Variants in PTPN9 observed in about 807,000 individuals in gnomAD.
The protein encoded by PTPN9 is tyrosine-protein phosphatase non-receptor type 9.
PTPN9 carries 26 observed loss-of-function variants against 69.8 expected under a neutral mutation model. That is an observed-to-expected ratio of 0.37 (90% CI 0.27 to 0.52). The LOEUF is 0.52. PTPN9 is among the 20% of genes least tolerant of loss of function. The probability of loss-of-function intolerance (pLI) is 0.91; values close to 1 mark genes in which losing one functional copy is unlikely to be tolerated. For missense variants in PTPN9, 549 were observed against 740.3 expected (o/e 0.74, Z 3.00); for synonymous variants, 274 against 272.5 (o/e 1.01, Z -0.05).
chr15:75,547,579 A>C (rs2075039064), intron 1 of PTPN9, among the ~76,000 whole-genome samples: 1 of 152,178 alleles, frequency 6.6e-6, no homozygotes, highest in South Asian at 2.1e-4. Context: ...ATAACTGGCT[A>C]TCCTTGAAGG....
In PTPN9 at chr15:75,484,398, G is replaced by A. The variant is rs868220035; in HGVS notation, c.1063-4484C>T. On this transcript the variant is annotated intron_variant, in intron 8 of 12. Coordinates refer to ENST00000618819, the MANE Select transcript of PTPN9 (RefSeq NM_002833.4). Reference sequence around the variant, plus strand: ...CTCATACTTAGGACCATCAACAGACGAGCCAAACACCTGGACTCCATTATT... The same window carrying A: ...CTCATACTTAGGACCATCAACAGACAAGCCAAACACCTGGACTCCATTATT... Among the ~76,000 whole-genome samples, 4 of 152,102 alleles carry A rather than the reference G, an allele frequency of 2.6e-5. No individual in the cohort carries two copies. In the South Asian group the frequency reaches 6.2e-4, roughly 24 times the overall value.
chr15:75,474,055 C>T (rs2074583265), intron 9 of PTPN9, among the ~76,000 whole-genome samples: 1 of 152,180 alleles, frequency 6.6e-6, no homozygotes, highest in Non-Finnish European at 1.5e-5. Context: ...ATCATCAGAA[C>T]TTCAGCCATC....
chr15:75,564,003 G>A (rs1379768045), intron 1 of PTPN9, among the ~76,000 whole-genome samples: 3 of 151,468 alleles, frequency 2.0e-5, no homozygotes, highest in Non-Finnish European at 2.9e-5. Context: ...GACACTTCAG[G>A]GCAACACTCA....
At chr15:75,481,005 C>A (rs2074629629) in intron 8 of PTPN9, among the ~76,000 whole-genome samples, 1 of 85,058 alleles carries the variant, frequency 1.2e-5, no homozygotes. Flanking sequence ...CGCCCGGCCG[C>A]CATCCCATCT....
chr15:75,556,078 T>G (rs1473840751), intron 1 of PTPN9, among the ~76,000 whole-genome samples: 7 of 145,290 alleles, frequency 4.8e-5, no homozygotes. Context: ...GGCACTACTC[T>G]AGATCAACAA....
intron 1 of PTPN9, among the ~76,000 whole-genome samples, chr15:75,539,851 A>G (rs966698444): frequency 6.6e-6 from 1 of 151,418 alleles, no homozygotes; most frequent in African/African-American, 2.4e-5. Flanking sequence ...TTGTATTTTT[A>G]GTGGAGACGG....
chr15:75,470,712 T>C lies in PTPN9; in HGVS notation c.1327A>G (p.Lys443Glu). ...NLGVENMNHY[K>E]KTTLEIHNTE... ...TTGTGAATTTCTAGCGTTGTTTTCT[T>C]ATAATGATTCATGTTCTCCACGCCT... Residue 443 changes from lysine to glutamate, a missense_variant, in exon 11 of 13, where the codon AAG becomes GAG. Transcript: ENST00000618819. 6.2e-7 allele frequency: 1 copy of C among 1,614,248 alleles called. No homozygotes were observed.
chr15:75,533,752 A>C (rs2141326312), intron 1 of PTPN9, among the ~76,000 whole-genome samples: 1 of 152,340 alleles, frequency 6.6e-6, no homozygotes, highest in African/African-American at 2.4e-5. Flanking sequence ...ACAATTCATT[A>C]GTGTTGAAAT....
At chr15:75,474,527 A>G (rs549795028) in intron 9 of PTPN9, among the ~76,000 whole-genome samples, 15 of 152,260 alleles carry the variant, frequency 9.9e-5, no homozygotes, top group Non-Finnish European at 1.9e-4. Flanking sequence ...TCAAAAAAAA[A>G]AAAAATTAGC....
chr15:75,537,489 C>T (rs1486793042), intron 1 of PTPN9, among the ~76,000 whole-genome samples: 1 of 127,106 alleles, frequency 7.9e-6, no homozygotes, highest in African/African-American at 3.0e-5. Context: ...CTCGGTGGCT[C>T]ACGCCTGTAA....
At chr15:75,534,713 C>T (rs2074975901) in intron 1 of PTPN9, among the ~76,000 whole-genome samples, 2 of 150,802 alleles carry the variant, frequency 1.3e-5, no homozygotes, top group South Asian at 4.2e-4. Flanking sequence ...TGGTTCACGC[C>T]TATAATCCCA....
intron 1 of PTPN9, among the ~76,000 whole-genome samples, chr15:75,541,286 C>T (rs1345728349): frequency 2.0e-5 from 3 of 150,780 alleles, no homozygotes; most frequent in Non-Finnish European, 3.0e-5. Context: ...AGGGTCTCAC[C>T]AGCCGAGACT....
intron 1 of PTPN9, among the ~76,000 whole-genome samples, chr15:75,562,254 AT>A (rs2075107107): frequency 6.6e-6 from 1 of 152,232 alleles, no homozygotes; most frequent in Admixed American, 6.5e-5. Flanking sequence ...ATTAAATCAT[AT>A]AATTTCTGTC....
intron 8 of PTPN9, among the ~76,000 whole-genome samples, chr15:75,482,941 C>A (rs1016810716): frequency 6.6e-6 from 1 of 151,074 alleles, no homozygotes; most frequent in South Asian, 2.1e-4. Flanking sequence ...AGCGACAGAG[C>A]GAGACTCTGT....
At chr15:75,546,536 A>G (rs1268083642) in intron 1 of PTPN9, among the ~76,000 whole-genome samples, 1 of 151,790 alleles carries the variant, frequency 6.6e-6, no homozygotes, top group Non-Finnish European at 1.5e-5. Flanking sequence ...CCAGCTACTC[A>G]GGAGGCTGAG....
At chr15:75,574,287 C>CAA (rs1374351542) in intron 1 of PTPN9, among the ~76,000 whole-genome samples, 19 of 58,472 alleles carry the variant, frequency 3.2e-4, no homozygotes, top group African/African-American at 6.4e-4. Context: ...CCTGTCTCCA[C>CAA]AAAAAAAAAA....
At position 75,482,063 on chromosome 15, in the gene PTPN9, C is replaced by G. The variant is rs1297513608; in HGVS notation, c.1063-2149G>C. On this transcript the variant is annotated intron_variant, in intron 8 of 12. Coordinates refer to ENST00000618819, the MANE Select transcript of PTPN9 (RefSeq NM_002833.4). ...TTGAGAAATCGGATGGTTGCCGTGTCTGTGTAGAAAGAAGTAGACATGGGA... is the reference window on the plus strand; with the variant it reads ...TTGAGAAATCGGATGGTTGCCGTGTGTGTGTAGAAAGAAGTAGACATGGGA... Among the ~76,000 whole-genome samples, 3 of 149,814 alleles carry G rather than the reference C, an allele frequency of 2.0e-5. No individual in the cohort carries two copies. In the East Asian group the frequency reaches 6.1e-4, roughly 30 times the overall value.
chr15:75,526,674 C>T lies in PTPN9; in HGVS notation c.207+444G>A, dbSNP rs544819832. 1.8e-4 allele frequency among the ~76,000 whole-genome samples: 28 copies of T among 152,276 alleles called. 1 individual carries two copies. The South Asian group carries it at 5.6e-3, about 30-fold the overall frequency. On this transcript the variant is annotated intron_variant, in intron 2 of 12. Transcript: ENST00000618819. ...AATGGACCTAGCTAATACACAGTTG[C>T]TCTTCTTTTCCAGTGTTAAAACTTC...
intron 12 of PTPN9, 96 bp from the exon 13 acceptor site, chr15:75,469,079 G>T: frequency 8.6e-7 from 1 of 1,168,086 alleles, no homozygotes; most frequent in South Asian, 1.5e-5. Flanking sequence ...TGACTTCACA[G>T]GCAAAGTGCC....
Sources: allele counts gnomAD v4.1 joint callset (sites outside exome capture counted in the v4.1 genomes callset), GRCh38; gene constraint gnomAD v4.1.1; transcripts MANE v1.5; gene names NCBI Gene and HGNC (gene_info 2026-07-23, HGNC 2026-07-21).